The following KALRN variants were observed in gnomAD, a reference collection of about 807,000 sequenced individuals.
KALRN encodes kalirin.
KALRN carries 70 observed loss-of-function variants against 353.7 expected under a neutral mutation model. The ratio of observed to expected loss-of-function variants is 0.20; its 90% CI spans 0.16 to 0.24. KALRN has a LOEUF of 0.24. KALRN is among the 10% of genes least tolerant of loss of function. KALRN has a pLI of 1.00. For missense variants in KALRN, 2,791 were observed against 3,756.7 expected (o/e 0.74, Z 6.72); for synonymous variants, 1,391 against 1,434.8 (o/e 0.97, Z 0.69).
chr3:124,480,642 T>C (rs1388180205), intron 27 of KALRN, among the ~76,000 whole-genome samples: 1 of 152,168 alleles, frequency 6.6e-6, no homozygotes, highest in Non-Finnish European at 1.5e-5. Context: ...CTTCAGTCAA[T>C]TTTAGGGCAC....
intron 33 of KALRN, among the ~76,000 whole-genome samples, chr3:124,497,467 AC>A (rs1561143031): frequency 1.3e-5 from 2 of 152,138 alleles, no homozygotes; most frequent in African/African-American, 2.4e-5. Flanking sequence ...GAGAAAAAAA[AC>A]CATTGAGACC....
intron 1 of KALRN, among the ~76,000 whole-genome samples, chr3:124,063,505 G>T (rs1199060590): frequency 6.6e-6 from 1 of 152,186 alleles, no homozygotes; most frequent in East Asian, 1.9e-4. Flanking sequence ...AGTGATGTGG[G>T]TGCGATGGGG....
At chr3:124,455,419 C>A (rs2059209107) in intron 22 of KALRN, 60 bp downstream of exon 22, 16 of 1,466,584 alleles carry the variant, frequency 1.1e-5, no homozygotes, top group Non-Finnish European at 1.4e-5. Context: ...AGCACCACTG[C>A]CCTCATCGCC....
chr3:124,282,385 T>C (rs920811938), intron 5 of KALRN, among the ~76,000 whole-genome samples: 2 of 151,218 alleles, frequency 1.3e-5, no homozygotes, highest in Admixed American at 1.3e-4. Flanking sequence ...TTTTCTTTTT[T>C]TTTTTTTTTT....
chr3:124,696,361 CCCAGG>C (rs961796456), intron 54 of KALRN, 106 bp downstream of exon 54: 23 of 1,082,414 alleles, frequency 2.1e-5, no homozygotes, highest in Non-Finnish European at 3.0e-5. Context: ...GCCTTGACCT[CCCAGG>C]CTCAAGCACT....
chr3:124,156,232 A>G (rs2068972717), intron 1 of KALRN, among the ~76,000 whole-genome samples: 1 of 152,216 alleles, frequency 6.6e-6, no homozygotes, highest in African/African-American at 2.4e-5. Context: ...GGCTGACCCG[A>G]AAGTCTTGGC....
At chr3:124,373,367 A>T (rs1410185272) in intron 10 of KALRN, among the ~76,000 whole-genome samples, 2 of 152,188 alleles carry the variant, frequency 1.3e-5, no homozygotes, top group Non-Finnish European at 2.9e-5. Context: ...TGCTATTGGC[A>T]TCCTGTGGGT....
intron 17 of KALRN, among the ~76,000 whole-genome samples, chr3:124,438,155 A>C (rs765415259): frequency 6.6e-6 from 1 of 152,078 alleles, no homozygotes. Context: ...TGGTTTTTCC[A>C]CTATGGGACC....
rs564745431 is a variant in KALRN at position 124,054,207 on chromosome 3, C to G, written c.73+20394C>G. Reference sequence around the variant, plus strand: ...TGCAGTACCACATCCTCCTCTATATCTTCCTTTTCCTGCTTTGTTTAAAAG... The same window carrying G: ...TGCAGTACCACATCCTCCTCTATATGTTCCTTTTCCTGCTTTGTTTAAAAG... On this transcript the variant is annotated intron_variant, in intron 1 of 59. Transcript: ENST00000682506. Among the ~76,000 whole-genome samples the G allele has an allele frequency of 2.1e-4, 32 of 152,154 alleles. No individual in the cohort carries two copies. In the South Asian group the frequency reaches 2.3e-3, roughly 11 times the overall value.
chr3:124,192,582 C>A (rs2075040514), intron 1 of KALRN, among the ~76,000 whole-genome samples: 1 of 152,128 alleles, frequency 6.6e-6, no homozygotes, highest in African/African-American at 2.4e-5. Flanking sequence ...ACCCCATTCT[C>A]CGTGATGTGC....
rs575000299 is a variant in KALRN at position 124,610,021 on chromosome 3, T to C, written c.5183-22399T>C. Among the ~76,000 whole-genome samples the C allele has an allele frequency of 7.3e-4, 111 of 152,228 alleles. 1 individual carries two copies. The highest frequency in any genetic ancestry group is 9.4e-4 in the Non-Finnish European group (64 of 68,030). On this transcript the variant is annotated intron_variant, in intron 34 of 59. Transcript: ENST00000682506. ...TTTAGAACATATTTACTGAGCACTT[T>C]CTATGAAATCTTTTTTCCCCAACAA...
In KALRN at chr3:124,496,296, C is replaced by A; in HGVS notation, c.4833-15C>A. ...CCCCACCCCCACCCCTGTTTTTTTT[C>A]TCTTCTTCCTGCAGGGATGGAGTGG... On this transcript the variant is annotated splice_polypyrimidine_tract_variant and intron_variant, in intron 32 of 59. Coordinates refer to ENST00000682506, the MANE Select transcript of KALRN (RefSeq NM_001388419.1). The A allele has an allele frequency of 1.8e-4, 219 of 1,192,104 alleles. No homozygotes were observed. Among genetic ancestry groups the A allele is most frequent in the Non-Finnish European group, 2.1e-4 (184 of 856,710 alleles). The allele number at this position is 1,192,104 out of a possible 1,614,324, so 73.8% of individuals were successfully genotyped here.
intron 10 of KALRN, among the ~76,000 whole-genome samples, chr3:124,348,785 G>A (rs547150623): frequency 2.0e-5 from 3 of 152,114 alleles, no homozygotes; most frequent in East Asian, 3.9e-4. Flanking sequence ...TGATGTGATC[G>A]TGACTCACTG....
At chr3:124,066,639 G>C (rs1200364768) in intron 1 of KALRN, among the ~76,000 whole-genome samples, 1 of 152,164 alleles carries the variant, frequency 6.6e-6, no homozygotes, top group South Asian at 2.1e-4. Flanking sequence ...CGGGAATAGG[G>C]AACACCGCTT....
In KALRN at chr3:124,386,966, T is replaced by C. The variant is rs187449810; in HGVS notation, c.1962+1930T>C. On this transcript the variant is annotated intron_variant, in intron 11 of 59. Transcript: ENST00000682506. The stretch of plus-strand genomic sequence containing the variant: ...ATAACTTTTCTAAGGTTACAGACTT[T>C]CTCAGTAGTACAGCAGATATTTTAC... 1.2e-4 allele frequency among the ~76,000 whole-genome samples: 18 copies of C among 152,354 alleles called. No homozygotes were observed. In the East Asian group the frequency reaches 3.5e-3, roughly 29 times the overall value.
chr3:124,671,821 C>G lies in KALRN; in HGVS notation c.6865C>G (p.Pro2289Ala). 1 of 1,614,226 alleles carries G rather than the reference C, an allele frequency of 6.2e-7. No individual in the cohort carries two copies. The highest frequency in any genetic ancestry group is 8.5e-7 in the Non-Finnish European group (1 of 1,180,034). Residue 2289 changes from proline (P) to alanine (A), a missense_variant, in exon 48 of 60, where the codon CCC becomes GCC. Around this residue, in one of 11 missense-constraint regions of KALRN, gnomAD observed 1,065 missense variants for 1,156.4 expected, o/e 0.92. Coordinates refer to ENST00000682506, the MANE Select transcript of KALRN (RefSeq NM_001388419.1). ...CTCCAGCTATAACCCACCTCTGCCT[C>G]CCCTGAAGATATCTACCTCCAATGG... is the stretch of plus-strand genomic sequence containing the variant. ...KGSSYNPPLP[P>A]LKISTSNGSP... is the part of the protein sequence containing the mutation.
intron 29 of KALRN, among the ~76,000 whole-genome samples, chr3:124,489,475 T>A (rs765588271): frequency 2.0e-5 from 3 of 152,176 alleles, no homozygotes; most frequent in Non-Finnish European, 2.9e-5. Flanking sequence ...TGATACGGTC[T>A]CCATACTTCC....
intron 48 of KALRN, 29 bp from the exon 49 acceptor site, chr3:124,674,335 G>T (rs768401572): frequency 3.1e-6 from 5 of 1,595,684 alleles, no homozygotes; most frequent in South Asian, 1.1e-5. Flanking sequence ...CCTTGTGTTT[G>T]TGCCCCTCTC....
chr3:124,586,457 C>T (rs1453579605), intron 34 of KALRN, among the ~76,000 whole-genome samples: 3 of 145,674 alleles, frequency 2.1e-5, no homozygotes, highest in African/African-American at 8.5e-5. Flanking sequence ...TTCAGGGTAA[C>T]TCTCTGGGCG....
Sources: gnomAD v4.1 joint callset for allele counts (sites outside exome capture counted in the v4.1 genomes callset) on GRCh38, gnomAD v4.1.1 for gene constraint, gnomAD v4.1.1 regional missense constraint, MANE v1.5 for transcripts, NCBI Gene and HGNC (gene_info 2026-07-23, HGNC 2026-07-21) for gene names.